USP10: variants seen among roughly 807,000 people sequenced by gnomAD.
The protein encoded by USP10 is ubiquitin specific peptidase 10, also known as ubiquitin carboxyl-terminal hydrolase 10.
In USP10, 22 loss-of-function variants were observed where a neutral mutation model predicts 84.5. That is an observed-to-expected ratio of 0.26 (90% CI 0.19 to 0.37). USP10 has a LOEUF of 0.37. Among genes scored for constraint, USP10 ranks in the 10% least tolerant of loss-of-function variants. The pLI, the probability that USP10 is intolerant of heterozygous loss-of-function variation, is 1.00. For synonymous variants in USP10, 454 were observed against 387.6 expected, an observed-to-expected ratio of 1.17 and a Z score of -2.01; for missense variants, 1,019 against 998.9, an observed-to-expected ratio of 1.02 and a Z score of -0.27.
chr16:84,704,279 T>C (rs778894157), intron 1 of USP10, among the ~76,000 whole-genome samples: 2 of 152,258 alleles, frequency 1.3e-5, no homozygotes, highest in African/African-American at 2.4e-5. Context: ...TTATTACTGG[T>C]ACTATACCAA....
Position 84,775,804 on chromosome 16 carries a change from C to T in USP10, c.2209+579C>T, listed in dbSNP as rs1249471237. 3.3e-5 allele frequency among the ~76,000 whole-genome samples: 5 copies of T among 152,174 alleles called. No homozygotes were observed. In the East Asian group the frequency reaches 9.6e-4, roughly 29 times the overall value. ...CTCTTCTGTCTCCTGGCTTAGGCTC[C>T]CTGCAGTATCATTTTTTCTGCCACA... On this transcript the variant is annotated intron_variant, in intron 13 of 13. Coordinates refer to ENST00000219473, the MANE Select transcript of USP10 (RefSeq NM_005153.3).
chr16:84,778,622 G>A (rs1462003657), intron 13 of USP10, among the ~76,000 whole-genome samples: 2 of 152,128 alleles, frequency 1.3e-5, no homozygotes, highest in South Asian at 2.1e-4. Flanking sequence ...TGAGGCGTGG[G>A]ACATTTTAAA....
At chr16:84,727,111 C>G (rs769059082) in intron 1 of USP10, among the ~76,000 whole-genome samples, 2 of 152,234 alleles carry the variant, frequency 1.3e-5, no homozygotes, top group Non-Finnish European at 2.9e-5. Context: ...CCAATATGTC[C>G]TAAGCTCTGC....
chr16:84,703,908 A>G (rs1905182314), intron 1 of USP10, among the ~76,000 whole-genome samples: 1 of 152,230 alleles, frequency 6.6e-6, no homozygotes, highest in East Asian at 1.9e-4. Flanking sequence ...ACCACATTCT[A>G]AATTCCTCAC....
At chr16:84,743,652 T>C (rs1567621083) in intron 3 of USP10, among the ~76,000 whole-genome samples, 1 of 152,184 alleles carries the variant, frequency 6.6e-6, no homozygotes, top group Non-Finnish European at 1.5e-5. Context: ...TCAAAATGTG[T>C]AACTTTTTAT....
At chr16:84,748,921 AC>A (rs1911572696) in intron 4 of USP10, among the ~76,000 whole-genome samples, 2 of 152,282 alleles carry the variant, frequency 1.3e-5, no homozygotes, top group South Asian at 4.1e-4. Flanking sequence ...CCCCTACCAA[AC>A]AGATTATTTT....
In USP10 at chr16:84,759,960, A is replaced by G. The variant is rs749111440; in HGVS notation, c.1450+14A>G. The G allele has an allele frequency of 6.2e-7, 1 of 1,613,550 alleles. No homozygotes were observed. Among genetic ancestry groups the G allele is most frequent in the South Asian group, 1.1e-5 (1 of 91,076 alleles). On this transcript the variant is annotated intron_variant, in intron 7 of 13. Transcript: ENST00000219473. ...AACCCCGACAAGGTTAGTAAAAATG[A>G]GTTTTGTTGATGCTATTACATATTG...
At chr16:84,737,946 C>T (rs1021608631) in intron 2 of USP10, among the ~76,000 whole-genome samples, 6 of 152,230 alleles carry the variant, frequency 3.9e-5, no homozygotes, top group Admixed American at 2.0e-4. Context: ...TTGTCCTCAG[C>T]GTCATCTGTG....
At chr16:84,758,309 T>C (rs73245640) in intron 4 of USP10, among the ~76,000 whole-genome samples, 256 of 152,294 alleles carry the variant, frequency 1.7e-3, no homozygotes, top group African/African-American at 5.9e-3. Context: ...CTGCAAGATA[T>C]CTTTCTATCT....
intron 1 of USP10, 58 bp downstream of exon 1, chr16:84,700,169 C>A: frequency 1.7e-6 from 2 of 1,190,322 alleles, no homozygotes; most frequent in Non-Finnish European, 2.1e-6. Flanking sequence ...CGGGCGGACG[C>A]CGCGGCGGGC....
chr16:84,736,596 T>C (rs552015162), intron 2 of USP10, among the ~76,000 whole-genome samples: 1 of 152,338 alleles, frequency 6.6e-6, no homozygotes, highest in African/African-American at 2.4e-5. Context: ...ATCCTGTTAT[T>C]TATGTTCAGA....
chr16:84,728,420 A>G (rs2150790634), intron 1 of USP10, among the ~76,000 whole-genome samples: 1 of 151,600 alleles, frequency 6.6e-6, no homozygotes, highest in East Asian at 1.9e-4. Flanking sequence ...GCTCACTGCA[A>G]CCTCTGCCTC....
chr16:84,730,338 C>T (rs373143811), intron 1 of USP10, among the ~76,000 whole-genome samples: 29 of 152,034 alleles, frequency 1.9e-4, no homozygotes, highest in African/African-American at 6.3e-4. Flanking sequence ...GAAGATCTCT[C>T]GCTGTCTGTA....
At chr16:84,705,363 C>T (rs1204915046) in intron 1 of USP10, among the ~76,000 whole-genome samples, 4 of 152,122 alleles carry the variant, frequency 2.6e-5, no homozygotes, top group South Asian at 2.1e-4. Context: ...TCCTGAGTAG[C>T]TGGGACTACA....
At chr16:84,733,826 T>C (rs1468582460) in intron 2 of USP10, among the ~76,000 whole-genome samples, 5 of 152,258 alleles carry the variant, frequency 3.3e-5, no homozygotes, top group Admixed American at 2.6e-4. Flanking sequence ...TTTCACCTTT[T>C]ATCATATACG....
At chr16:84,704,830 G>T (rs1453670489) in intron 1 of USP10, 1 of 1,535,726 alleles carries the variant, frequency 6.5e-7, no homozygotes, top group Non-Finnish European at 8.7e-7. Context: ...GAAACATCAT[G>T]CCCTGGTTGC....
chr16:84,733,164 C>G (rs913864647), intron 1 of USP10: 4 of 522,536 alleles, frequency 7.7e-6, no homozygotes, highest in Non-Finnish European at 1.5e-5. Flanking sequence ...AAGCAGGACT[C>G]GACAAGTTTG....
rs2150848304 is a variant in USP10 at position 84,759,359 on chromosome 16, A to G, written c.1285-4A>G. ...CTTTACGCTTCCTTACTGCCACTAC[A>G]TAGACACTGCAGGCATTGGTTGCTT... On this transcript the variant is annotated splice_polypyrimidine_tract_variant and splice_region_variant and intron_variant, in intron 5 of 13. Coordinates refer to ENST00000219473, the MANE Select transcript of USP10 (RefSeq NM_005153.3). 1.9e-6 allele frequency: 3 copies of G among 1,613,774 alleles called. No homozygotes were observed. Among genetic ancestry groups the G allele is most frequent in the South Asian group, 1.1e-5 (1 of 91,070 alleles).
chr16:84,714,650 C>A (rs1223919769), intron 1 of USP10, among the ~76,000 whole-genome samples: 2 of 151,846 alleles, frequency 1.3e-5, no homozygotes, highest in Non-Finnish European at 2.9e-5. Flanking sequence ...TAATGTTTGG[C>A]AGGTTTTTTT....
Sources: allele counts gnomAD v4.1 joint callset (sites outside exome capture counted in the v4.1 genomes callset), GRCh38; gene constraint gnomAD v4.1.1; transcripts MANE v1.5; gene names NCBI Gene and HGNC (gene_info 2026-07-23, HGNC 2026-07-21).